Variants in XKR6 observed in about 807,000 individuals in gnomAD.
XKR6 encodes the protein XK related 6.
A neutral mutation model predicts 56.7 loss-of-function variants in XKR6; 22 were observed. The observed-to-expected ratio is 0.39, with a 90% CI of 0.28 to 0.55. The LOEUF is 0.55. XKR6 is among the 20% of genes least tolerant of loss of function. The pLI is 0.66. For synonymous variants in XKR6, 524 were observed against 387.8 expected, an observed-to-expected ratio of 1.35 and a Z score of -4.13; for missense variants, 852 against 889.0, an observed-to-expected ratio of 0.96 and a Z score of 0.53.
chr8:10,941,125 G>A (rs1801374289), intron 1 of XKR6, among the ~76,000 whole-genome samples: 1 of 152,048 alleles, frequency 6.6e-6, no homozygotes, highest in South Asian at 2.1e-4. Context: ...TTATGACACG[G>A]AGACCCCTCC....
intron 1 of XKR6, among the ~76,000 whole-genome samples, chr8:11,098,253 C>A (rs1000565796): frequency 6.6e-6 from 1 of 151,986 alleles, no homozygotes; most frequent in Admixed American, 6.5e-5. Context: ...CACACACACA[C>A]GCATGCACAC....
chr8:11,146,843 G>C (rs1395676535), intron 1 of XKR6, among the ~76,000 whole-genome samples: 2 of 151,858 alleles, frequency 1.3e-5, no homozygotes, highest in Admixed American at 6.6e-5. Flanking sequence ...GACCTGGAGG[G>C]CATTATGTTA....
chr8:10,911,623 A>T (rs981352949), intron 2 of XKR6, among the ~76,000 whole-genome samples: 1 of 147,408 alleles, frequency 6.8e-6, no homozygotes, highest in Non-Finnish European at 1.5e-5. Flanking sequence ...ATATGTAGAC[A>T]GAGAGGGGGT....
At position 11,191,369 on chromosome 8, in the gene XKR6, A is replaced by G. The variant is rs77512837; in HGVS notation, c.764+9207T>C. ...AGAGACACTGATACTTTGCTAACAT[A>G]TGACCCCACAAGTTACCTACCGATT... On this transcript the variant is annotated intron_variant, in intron 1 of 2. Transcript: ENST00000416569. Among the ~76,000 whole-genome samples the G allele has an allele frequency of 3.2e-3, 487 of 152,336 alleles. 10 individuals are homozygous for G. The highest frequency in any genetic ancestry group is 0.022 in the South Asian group (107 of 4,830).
At chr8:11,015,668 C>T (rs1448992350) in intron 1 of XKR6, among the ~76,000 whole-genome samples, 1 of 152,136 alleles carries the variant, frequency 6.6e-6, no homozygotes, top group Non-Finnish European at 1.5e-5. Context: ...CCCCCAGGCC[C>T]TCCAAAGACT....
rs904739565 is a variant in XKR6, at chr8:11,200,032, G to A, written c.764+544C>T. 6.6e-6 allele frequency among the ~76,000 whole-genome samples: 1 copy of A among 152,204 alleles called. No individual in the cohort carries two copies. Among genetic ancestry groups the A allele is most frequent in the Non-Finnish European group, 1.5e-5 (1 of 68,034 alleles). The stretch of plus-strand genomic sequence containing the variant: ...GCAGTGGTTTGGAGTCATTCACAGG[G>A]GCTGGGAGTGCAGGAGGGGGAAGGG... On this transcript the variant is annotated intron_variant, in intron 1 of 2. Coordinates refer to ENST00000416569, the MANE Select transcript of XKR6 (RefSeq NM_173683.4). The surrounding 1 kb of genome is among the most constrained non-coding windows in gnomAD (Gnocchi z 6.4).
chr8:10,912,498 G>T (rs1408712492), intron 2 of XKR6, among the ~76,000 whole-genome samples: 3 of 142,250 alleles, frequency 2.1e-5, no homozygotes, highest in African/African-American at 7.8e-5. Flanking sequence ...GACAGGGTGT[G>T]TATGTGTGTG....
chr8:11,095,890 C>G (rs1051004290), intron 1 of XKR6, among the ~76,000 whole-genome samples: 1 of 152,190 alleles, frequency 6.6e-6, no homozygotes, highest in African/African-American at 2.4e-5. Flanking sequence ...AGTAATTCCA[C>G]TGTTTTCCAA....
intron 1 of XKR6, among the ~76,000 whole-genome samples, chr8:11,141,373 A>G (rs186301749): frequency 1.3e-5 from 2 of 152,366 alleles, no homozygotes; most frequent in Non-Finnish European, 2.9e-5. Flanking sequence ...AGATGAGGTC[A>G]TGAGGGTAGA....
At chr8:11,127,762 C>T (rs369535995) in intron 1 of XKR6, among the ~76,000 whole-genome samples, 8 of 152,292 alleles carry the variant, frequency 5.3e-5, no homozygotes, top group African/African-American at 1.9e-4. Context: ...TTACAATGTG[C>T]GGTTACATAT....
intron 1 of XKR6, among the ~76,000 whole-genome samples, chr8:10,927,420 T>A (rs765272416): frequency 1.4e-4 from 21 of 151,978 alleles, no homozygotes; most frequent in Admixed American, 3.3e-4. Flanking sequence ...CACAGATCAC[T>A]CCAGGCCCCA....
intron 2 of XKR6, among the ~76,000 whole-genome samples, chr8:10,913,685 G>A (rs944998171): frequency 6.6e-6 from 1 of 152,202 alleles, no homozygotes; most frequent in African/African-American, 2.4e-5. Context: ...TGCAGATGCG[G>A]ACCAGGTGTG....
chr8:11,002,473 GA>G, intron 1 of XKR6: 1 of 401,980 alleles, frequency 2.5e-6, no homozygotes, highest in Non-Finnish European at 5.2e-6. Context: ...GAAGGCAGGA[GA>G]AAAAGACTCA....
At chr8:11,136,485 C>T (rs34309263) in intron 1 of XKR6, among the ~76,000 whole-genome samples, 41,844 of 137,454 alleles carry the variant, frequency 0.3, 6,939 homozygotes, top group Middle Eastern at 0.44. Context: ...GCCCGGGCAA[C>T]AAAAGCGAAA....
intron 1 of XKR6, among the ~76,000 whole-genome samples, chr8:11,134,755 G>A (rs1425167491): frequency 6.6e-6 from 1 of 151,914 alleles, no homozygotes; most frequent in Non-Finnish European, 1.5e-5. Flanking sequence ...AATAATCATG[G>A]ACAATACTAT....
intron 1 of XKR6, among the ~76,000 whole-genome samples, chr8:10,967,333 C>G (rs1802256539): frequency 6.6e-6 from 1 of 152,228 alleles, no homozygotes; most frequent in Non-Finnish European, 1.5e-5. Context: ...GCGTGATAAG[C>G]TGCTGTGGGA....
intron 1 of XKR6, among the ~76,000 whole-genome samples, chr8:10,926,041 G>A (rs1455411190): frequency 6.6e-6 from 1 of 152,184 alleles, no homozygotes; most frequent in Non-Finnish European, 1.5e-5. Context: ...GCCTGTCCTT[G>A]ACTGTCCTGT....
intron 1 of XKR6, chr8:11,107,732 T>G (rs545513925): frequency 1.3e-5 from 2 of 153,362 alleles, no homozygotes; most frequent in Non-Finnish European, 2.9e-5. Context: ...TCAGGCCAAG[T>G]GGACTGACCC....
Position 11,200,486 on chromosome 8 carries a change from G to A in XKR6, c.764+90C>T, listed in dbSNP as rs888829301. On this transcript the variant is annotated intron_variant, in intron 1 of 2. Coordinates refer to ENST00000416569, the MANE Select transcript of XKR6 (RefSeq NM_173683.4). This position sits in a 1 kb window ranked among gnomAD's most constrained non-coding sequence, Gnocchi z 6.4. ...TCCCTCCTTCGAGCCCCCCGCGCTG[G>A]GCCCTTTCGAGGGGCCGCCCCGCGA... 1.4e-5 allele frequency: 19 copies of A among 1,339,722 alleles called. No homozygotes were observed. Among genetic ancestry groups the A allele is most frequent in the African/African-American group, 4.6e-5 (3 of 64,978 alleles). The allele number at this position is 1,339,722 out of a possible 1,614,324, so 83.0% of individuals were successfully genotyped here. A position where few individuals can be genotyped will look rare whatever the true frequency, so the allele number is the denominator to read the frequency against.
Sources: allele counts gnomAD v4.1 joint callset (sites outside exome capture counted in the v4.1 genomes callset), GRCh38; gene constraint gnomAD v4.1.1; non-coding constraint Gnocchi (gnomAD v3.1); transcripts MANE v1.5; gene names NCBI Gene and HGNC (gene_info 2026-07-23, HGNC 2026-07-21).